Variants in MCUB observed in about 807,000 individuals in gnomAD.
MCUB encodes mitochondrial calcium uniporter dominant negative subunit beta.
In MCUB, 46 loss-of-function variants were observed where a neutral mutation model predicts 41.4. That is an observed-to-expected ratio of 1.11 (90% CI 0.88 to 1.42). The LOEUF (loss-of-function observed/expected upper bound fraction) is 1.42, where lower values mean the gene tolerates loss of function less well. MCUB is among the 40% of genes most tolerant of loss of function. The pLI is 0.00. For missense variants in MCUB, 403 were observed against 404.9 expected, an observed-to-expected ratio of 1.00 and a Z score of 0.04; for synonymous variants, 148 against 148.2, an observed-to-expected ratio of 1.00 and a Z score of 0.01.
rs544063192 is a variant in MCUB, at chr4:109,583,724, T to G, written c.99+23288T>G. Among the ~76,000 whole-genome samples, 7 of 152,304 alleles carry G rather than the reference T, an allele frequency of 4.6e-5. No individual in the cohort carries two copies. The South Asian group carries it at 1.5e-3, about 32-fold the overall frequency. ...TTGTCATAAATAGCTCTTATTATTT[T>G]GAGATACATCTCATCAATACCTAGT... On this transcript the variant is annotated intron_variant, in intron 1 of 7. Transcript: ENST00000394650.
chr4:109,635,326 G>C (rs920902894), intron 1 of MCUB, among the ~76,000 whole-genome samples: 1 of 152,124 alleles, frequency 6.6e-6, no homozygotes, highest in Admixed American at 6.5e-5. Context: ...CCAGCACTTA[G>C]AGCCAGGCCA....
Position 109,681,932 on chromosome 4 carries a change from G to C in MCUB, c.452-650G>C, listed in dbSNP as rs769513069. The stretch of plus-strand genomic sequence containing the variant: ...ACAGAGCTCCCATACGAAGGGAGGG[G>C]ACCCAAAGGGGGTTGCCATTGCTGG... On this transcript the variant is annotated intron_variant, in intron 4 of 7. Transcript: ENST00000394650. Among the ~76,000 whole-genome samples the C allele has an allele frequency of 9.1e-4, 138 of 152,242 alleles. 1 individual carries two copies. Among genetic ancestry groups the C allele is most frequent in the Non-Finnish European group, 2.6e-4 (18 of 68,044 alleles).
At chr4:109,687,435 T>G in intron 7 of MCUB, 80 bp from the exon 8 acceptor site, 1 of 967,588 alleles carries the variant, frequency 1.0e-6, no homozygotes, top group Non-Finnish European at 1.6e-6. Context: ...GACGCTAAGT[T>G]TATAGAATTC....
Position 109,660,099 on chromosome 4 carries a change from G to C in MCUB, c.176-96G>C, listed in dbSNP as rs1729194882. The C allele has an allele frequency of 1.8e-5, 12 of 665,648 alleles. No homozygotes were observed. In the South Asian group the frequency reaches 2.3e-4, roughly 13 times the overall value. 41.2% of individuals were successfully genotyped at this position (665,648 alleles called of 1,614,324 possible). ...TTTTTATAAGACTTCAGAGGTTTGT[G>C]AATTTCATGTTTGAGCATTCCTTCT... On this transcript the variant is annotated intron_variant, in intron 2 of 7. Coordinates refer to ENST00000394650, the MANE Select transcript of MCUB (RefSeq NM_017918.5).
intron 1 of MCUB, among the ~76,000 whole-genome samples, chr4:109,625,658 C>T (rs1359112106): frequency 1.3e-5 from 2 of 152,274 alleles, no homozygotes; most frequent in African/African-American, 4.8e-5. Flanking sequence ...AAAGAGCATC[C>T]ATATTACAAT....
At chr4:109,650,558 A>G (rs1331122968) in intron 1 of MCUB, among the ~76,000 whole-genome samples, 1 of 152,182 alleles carries the variant, frequency 6.6e-6, no homozygotes, top group Non-Finnish European at 1.5e-5. Context: ...GAAAGTTGTA[A>G]CCACAGTGGG....
At chr4:109,628,012 C>T (rs1389690392) in intron 1 of MCUB, among the ~76,000 whole-genome samples, 1 of 151,652 alleles carries the variant, frequency 6.6e-6, no homozygotes, top group Non-Finnish European at 1.5e-5. Context: ...CATTTGTTTT[C>T]AGATTGAAAT....
rs76932481 is a variant in MCUB, at chr4:109,629,040, G to A, written c.100-29971G>A. Among the ~76,000 whole-genome samples the A allele has an allele frequency of 5.9e-5, 9 of 152,326 alleles. No individual in the cohort carries two copies. The East Asian group carries it at 1.7e-3, about 29-fold the overall frequency. On this transcript the variant is annotated intron_variant, in intron 1 of 7. Transcript: ENST00000394650. Reference sequence around the variant, plus strand: ...AAGAATTATTTGTGGGACCTGTTAGGTAGGGTCTTAGCGAAATTTAGATTA... The same window carrying A: ...AAGAATTATTTGTGGGACCTGTTAGATAGGGTCTTAGCGAAATTTAGATTA...
Position 109,660,274 on chromosome 4 carries a change from A to G in MCUB, c.255A>G (p.Val85=). ...LPSRKERCQF[V]VKPMLSTVGS... ...CTAGAAAAGAACGTTGTCAATTCGT[A>G]GTCAAACCAATGTTGTCAACAGTTG... The change falls in exon 3 of 8, where the codon GTA becomes GTG. Residue 85 remains valine (V), a synonymous_variant. Coordinates refer to ENST00000394650, the MANE Select transcript of MCUB (RefSeq NM_017918.5). 6.2e-7 allele frequency: 1 copy of G among 1,602,260 alleles called. No individual in the cohort carries two copies. Among genetic ancestry groups the G allele is most frequent in the Non-Finnish European group, 8.6e-7 (1 of 1,169,394 alleles).
At chr4:109,568,990 A>T (rs1477617006) in intron 1 of MCUB, among the ~76,000 whole-genome samples, 1 of 152,192 alleles carries the variant, frequency 6.6e-6, no homozygotes, top group Non-Finnish European at 1.5e-5. Context: ...AAGATTTTTT[A>T]AAAGTTAACA....
chr4:109,672,101 C>T (rs576825850), intron 4 of MCUB, among the ~76,000 whole-genome samples: 1 of 151,844 alleles, frequency 6.6e-6, no homozygotes, highest in South Asian at 2.1e-4. Context: ...TTTAATTGGG[C>T]CTGTGTCTCT....
At chr4:109,582,669 A>G (rs1032889926) in intron 1 of MCUB, among the ~76,000 whole-genome samples, 1 of 151,480 alleles carries the variant, frequency 6.6e-6, no homozygotes, top group African/African-American at 2.4e-5. Context: ...ATCGTATTGC[A>G]TAGGTTTTCT....
chr4:109,676,072 T>C (rs1729571731), intron 4 of MCUB, among the ~76,000 whole-genome samples: 1 of 152,180 alleles, frequency 6.6e-6, no homozygotes, highest in African/African-American at 2.4e-5. Flanking sequence ...CTTTGGAATT[T>C]GGTAATGGGC....
chr4:109,635,483 C>A (rs1477927419), intron 1 of MCUB, among the ~76,000 whole-genome samples: 1 of 152,198 alleles, frequency 6.6e-6, no homozygotes, highest in East Asian at 1.9e-4. Context: ...TGGTGCCCTT[C>A]CTTTGCATAT....
chr4:109,568,910 G>A lies in MCUB; in HGVS notation c.99+8474G>A, dbSNP rs140344536. On this transcript the variant is annotated intron_variant, in intron 1 of 7. Transcript: ENST00000394650. ...TGTGTTCTGTTCAGGTTTTATCTTC[G>A]CAATTTCCTCTTCTCCACTTAATCT... is the stretch of plus-strand genomic sequence containing the variant. Among the ~76,000 whole-genome samples the A allele has an allele frequency of 2.4e-3, 371 of 152,230 alleles. 1 individual carries two copies. Among genetic ancestry groups the A allele is most frequent in the African/African-American group, 8.3e-3 (344 of 41,542 alleles).
chr4:109,631,089 T>A (rs1440338642), intron 1 of MCUB, among the ~76,000 whole-genome samples: 12 of 152,230 alleles, frequency 7.9e-5, no homozygotes, highest in Non-Finnish European at 1.6e-4. Flanking sequence ...CAGAAGTCAG[T>A]GGCAACTCAG....
chr4:109,677,970 T>G (rs1463842734), intron 4 of MCUB, among the ~76,000 whole-genome samples: 1 of 151,940 alleles, frequency 6.6e-6, no homozygotes, highest in Admixed American at 6.6e-5. Flanking sequence ...TGCGGCCTTC[T>G]GCAGTGTTTG....
chr4:109,680,956 C>A (rs1729701722), intron 4 of MCUB, among the ~76,000 whole-genome samples: 1 of 152,138 alleles, frequency 6.6e-6, no homozygotes, highest in South Asian at 2.1e-4. Flanking sequence ...GACTTATAAA[C>A]CCATGGAGGA....
intron 1 of MCUB, among the ~76,000 whole-genome samples, chr4:109,626,626 G>T (rs1030948660): frequency 1.3e-5 from 2 of 151,862 alleles, no homozygotes; most frequent in Non-Finnish European, 1.5e-5. Context: ...AGGCCTGGCC[G>T]ACATGGCAAA....
Sources: gnomAD v4.1 joint callset for allele counts (sites outside exome capture counted in the v4.1 genomes callset) on GRCh38, gnomAD v4.1.1 for gene constraint, MANE v1.5 for transcripts, NCBI Gene and HGNC (gene_info 2026-07-23, HGNC 2026-07-21) for gene names.